Variants in CGGBP1 observed in about 807,000 individuals in gnomAD.
The protein encoded by CGGBP1 is CGG triplet repeat-binding protein 1.
In CGGBP1, 4 loss-of-function variants were observed where a neutral mutation model predicts 11.4. The observed-to-expected ratio is 0.35, with a 90% confidence interval of 0.17 to 0.80. The LOEUF (loss-of-function observed/expected upper bound fraction) is 0.80. Among genes scored for constraint, CGGBP1 ranks in the 30% least tolerant of loss-of-function variants. The probability of loss-of-function intolerance (pLI) is 0.52; values close to 1 mark genes in which losing one functional copy is unlikely to be tolerated. For synonymous variants in CGGBP1, 76 were observed against 74.1 expected, an observed-to-expected ratio of 1.03 and a Z score of -0.13; for missense variants, 135 against 202.1, an observed-to-expected ratio of 0.67 and a Z score of 2.01.
At chr3:88,068,834 A>G (rs1707344510) in intron 2 of CGGBP1, among the ~76,000 whole-genome samples, 1 of 152,142 alleles carries the variant, frequency 6.6e-6, no homozygotes, top group Admixed American at 6.5e-5. Flanking sequence ...CTAGTATGTG[A>G]TAATCAGACT....
chr3:88,138,953 T>C (rs1265510082), intron 2 of CGGBP1: 1 of 1,243,384 alleles, frequency 8.0e-7, no homozygotes, highest in Non-Finnish European at 1.0e-6. Flanking sequence ...GCACAAGTAG[T>C]GTTCAAAATC....
At chr3:88,102,612 C>T (rs1169439283) in intron 2 of CGGBP1, among the ~76,000 whole-genome samples, 2 of 152,160 alleles carry the variant, frequency 1.3e-5, no homozygotes, top group Admixed American at 1.3e-4. Context: ...TAGTATCTGG[C>T]AATTCAGCCT....
At chr3:88,118,174 A>G (rs1466843667) in intron 2 of CGGBP1, among the ~76,000 whole-genome samples, 1 of 152,128 alleles carries the variant, frequency 6.6e-6, no homozygotes, top group African/African-American at 2.4e-5. Context: ...CGGTGAAGCC[A>G]GTATATAAGT....
At chr3:88,060,260 C>A (rs1167713936), upstream of CGGBP1, among the ~76,000 whole-genome samples, 1 of 152,098 alleles carries the variant, frequency 6.6e-6, no homozygotes, top group Non-Finnish European at 1.5e-5. Context: ...TTTTATTTAG[C>A]CTGTAAAATA....
chr3:88,072,751 C>T (rs113381435), intron 2 of CGGBP1, among the ~76,000 whole-genome samples: 62 of 152,032 alleles, frequency 4.1e-4, no homozygotes, highest in Middle Eastern at 3.4e-3. Context: ...CTTATCCCTC[C>T]ACAAAAAAAT....
chr3:88,077,331 ATTG>A (rs1559694342), intron 2 of CGGBP1, among the ~76,000 whole-genome samples: 4 of 139,680 alleles, frequency 2.9e-5, no homozygotes, highest in Admixed American at 7.2e-5. Context: ...GCAGACTTAA[ATTG>A]TTTTTTTTTT....
intron 2 of CGGBP1, among the ~76,000 whole-genome samples, chr3:88,120,100 A>G (rs1705678489): frequency 1.3e-5 from 2 of 152,084 alleles, no homozygotes; most frequent in Non-Finnish European, 2.9e-5. Context: ...AATGTAACTT[A>G]TAGGCATTCA....
At chr3:88,127,893 A>T (rs11128023) in intron 2 of CGGBP1, among the ~76,000 whole-genome samples, 143,201 of 152,238 alleles carry the variant, frequency 0.94, 67,879 homozygotes, top group Non-Finnish European at 1. Context: ...TTGCATTAAC[A>T]ATACAAATCA....
chr3:88,118,641 A>C (rs192486385), intron 2 of CGGBP1, among the ~76,000 whole-genome samples: 1 of 152,320 alleles, frequency 6.6e-6, no homozygotes, highest in Admixed American at 6.5e-5. Flanking sequence ...GAAGGTCCTA[A>C]TCTTGGTAGT....
intron 2 of CGGBP1, among the ~76,000 whole-genome samples, chr3:88,107,426 A>G (rs1219636613): frequency 6.6e-6 from 1 of 152,058 alleles, no homozygotes; most frequent in Admixed American, 6.6e-5. Flanking sequence ...CTGTTTATCC[A>G]CTGCTCTTTA....
chr3:88,138,580 A>G (rs1706943629), intron 2 of CGGBP1: 2 of 508,904 alleles, frequency 3.9e-6, no homozygotes, highest in Non-Finnish European at 6.1e-6. Flanking sequence ...AAATATGGAA[A>G]ATTGGACATT....
chr3:88,130,537 A>C (rs1399055294), intron 2 of CGGBP1, among the ~76,000 whole-genome samples: 1 of 151,718 alleles, frequency 6.6e-6, no homozygotes, highest in African/African-American at 2.4e-5. Context: ...CTGCAGCCTC[A>C]ACTTCTGGGC....
At position 88,053,341 on chromosome 3, in the gene CGGBP1, T is replaced by C. The variant is rs536592232; in HGVS notation, c.*2132A>G. The C allele has an allele frequency of 1.4e-4, 21 of 152,254 alleles. 1 individual carries two copies. The East Asian group carries it at 3.7e-3, about 27-fold the overall frequency. 9.4% of individuals were successfully genotyped at this position (152,254 alleles called of 1,614,324 possible). ...ATCCCCACAACAGGATGGAAAACAT[T>C]TCTAAGGAGAGGATATAATCCTAAC... On this transcript the variant is annotated 3_prime_UTR_variant, in exon 4 of 4. Transcript: ENST00000482016.
At chr3:88,141,790 C>G in intron 1 of CGGBP1, 1 of 588,910 alleles carries the variant, frequency 1.7e-6, no homozygotes, top group South Asian at 5.5e-5. Flanking sequence ...AAAGACAAAG[C>G]ACATTTTCTA....
intron 2 of CGGBP1, among the ~76,000 whole-genome samples, chr3:88,099,610 C>T (rs1218761105): frequency 1.3e-5 from 2 of 152,164 alleles, no homozygotes; most frequent in Non-Finnish European, 2.9e-5. Context: ...CAGCATGGTA[C>T]TGGTACCAAA....
At chr3:88,109,483 CTTTT>C (rs2107751463) in intron 2 of CGGBP1, among the ~76,000 whole-genome samples, 1 of 152,134 alleles carries the variant, frequency 6.6e-6, no homozygotes, top group Admixed American at 6.6e-5. Flanking sequence ...AAGTGGATTT[CTTTT>C]ATTTGGACAA....
At chr3:88,149,040 C>G (rs1398910012) in intron 1 of CGGBP1, among the ~76,000 whole-genome samples, 2 of 152,134 alleles carry the variant, frequency 1.3e-5, no homozygotes, top group African/African-American at 4.8e-5. Context: ...GTCAACTGAT[C>G]AAAAATAGGA....
chr3:88,067,026 C>G (rs1182699581), intron 2 of CGGBP1, among the ~76,000 whole-genome samples: 2 of 152,096 alleles, frequency 1.3e-5, no homozygotes, highest in Admixed American at 1.3e-4. Flanking sequence ...TACATTAACA[C>G]TCTCTACTGT....
At chr3:88,113,028 A>G (rs1705188383) in intron 2 of CGGBP1, 3 of 820,492 alleles carry the variant, frequency 3.7e-6, no homozygotes, top group African/African-American at 1.8e-5. Context: ...TCAAATATTG[A>G]TATTAGATAG....
Sources: allele counts gnomAD v4.1 joint callset (sites outside exome capture counted in the v4.1 genomes callset), GRCh38; gene constraint gnomAD v4.1.1; transcripts MANE v1.5; gene names NCBI Gene and HGNC (gene_info 2026-07-23, HGNC 2026-07-21).